The following FLT1 variants were observed in gnomAD, a reference collection of about 807,000 sequenced individuals.
FLT1 encodes the protein fms related receptor tyrosine kinase 1.
A neutral mutation model predicts 156.3 loss-of-function variants in FLT1; 49 were observed. The ratio of observed to expected loss-of-function variants is 0.31; its 90% CI spans 0.25 to 0.40. The LOEUF is 0.40. Among genes scored for constraint, FLT1 ranks in the 10% least tolerant of loss-of-function variants. The pLI, the probability that FLT1 is intolerant of heterozygous loss-of-function variation, is 1.00. For synonymous variants in FLT1, 594 were observed against 583.8 expected (o/e 1.02, Z -0.25); for missense variants, 1,322 against 1,637.2 (o/e 0.81, Z 3.32).
At chr13:28,393,083 A>G (rs1874834814) in intron 12 of FLT1, among the ~76,000 whole-genome samples, 1 of 152,128 alleles carries the variant, frequency 6.6e-6, no homozygotes, top group South Asian at 2.1e-4. Context: ...AAATCTTCCC[A>G]CACTTAAGTA....
rs1346301395 is a variant in FLT1, at chr13:28,300,922, T to C, written c.*2245A>G. On this transcript the variant is annotated 3_prime_UTR_variant, in exon 30 of 30. Coordinates refer to ENST00000282397, the MANE Select transcript of FLT1 (RefSeq NM_002019.4). The stretch of plus-strand genomic sequence containing the variant: ...AAGCACTTTGTAACTAGCTCATTAT[T>C]ACAAGTCTCCATTTTTCTTTCTACA... 1 of 233,102 alleles carries C rather than the reference T, an allele frequency of 4.3e-6. No homozygotes were observed. The highest frequency in any genetic ancestry group is 6.0e-5 in the East Asian group (1 of 16,570). 14.4% of individuals were successfully genotyped at this position (233,102 alleles called of 1,614,324 possible). A position where few individuals can be genotyped will look rare whatever the true frequency, so the allele number is the denominator to read the frequency against.
chr13:28,444,478 T>A (rs1179700799), intron 3 of FLT1, among the ~76,000 whole-genome samples: 1 of 152,022 alleles, frequency 6.6e-6, no homozygotes, highest in African/African-American at 2.4e-5. Flanking sequence ...CAGAAGATTT[T>A]AAAAAGCTAG....
intron 1 of FLT1, among the ~76,000 whole-genome samples, chr13:28,469,104 C>T (rs893382617): frequency 3.9e-5 from 6 of 152,094 alleles, no homozygotes; most frequent in African/African-American, 7.2e-5. Context: ...GCAATGCCTC[C>T]GAAAGGCAGG....
At chr13:28,338,457 A>C (rs1053201245) in intron 17 of FLT1, among the ~76,000 whole-genome samples, 1 of 152,200 alleles carries the variant, frequency 6.6e-6, no homozygotes, top group African/African-American at 2.4e-5. Flanking sequence ...CTGGAGATTA[A>C]TGGGCTTTGT....
In FLT1 at chr13:28,438,005, G is replaced by A. The variant is rs957596938; in HGVS notation, c.513+216C>T. Among the ~76,000 whole-genome samples the A allele has an allele frequency of 6.6e-6, 1 of 152,072 alleles. No homozygotes were observed. The highest frequency in any genetic ancestry group is 1.5e-5 in the Non-Finnish European group (1 of 68,026). ...TTTCAGTTCTTTCATTATTCACATC[G>A]ATTTATGCTTAAGACACCATCATTT... On this transcript the variant is annotated intron_variant, in intron 4 of 29. Transcript: ENST00000282397.
chr13:28,343,633 CT>C (rs1257840645), intron 16 of FLT1, among the ~76,000 whole-genome samples: 14 of 150,880 alleles, frequency 9.3e-5, no homozygotes, highest in African/African-American at 2.2e-4. Context: ...CTCTTCTTTT[CT>C]TTTTTTCTTT....
At chr13:28,403,889 A>G (rs921126334) in intron 11 of FLT1, among the ~76,000 whole-genome samples, 20 of 152,148 alleles carry the variant, frequency 1.3e-4, no homozygotes, top group African/African-American at 4.6e-4. Context: ...TAGAAATACA[A>G]AACTTAGCCA....
At chr13:28,455,863 T>G (rs1422169505) in intron 3 of FLT1, among the ~76,000 whole-genome samples, 2 of 152,180 alleles carry the variant, frequency 1.3e-5, no homozygotes, top group Non-Finnish European at 2.9e-5. Context: ...AATAAGCATA[T>G]GAAAAGGTGC....
At chr13:28,389,484 A>C in intron 13 of FLT1, 1 of 1,405,740 alleles carries the variant, frequency 7.1e-7, no homozygotes, top group Non-Finnish European at 9.2e-7. Flanking sequence ...AAGGCAGTGC[A>C]GGGATCCTCC....
chr13:28,312,103 TG>T lies in FLT1; in HGVS notation c.3387-6del. The stretch of plus-strand genomic sequence containing the variant: ...CAGTCCAGCATGATCTGATAGCTGG[TG>T]GGGAAAACAGCAACAGAAATAGTTG... On this transcript the variant is annotated splice_polypyrimidine_tract_variant and splice_region_variant and intron_variant, in intron 25 of 29. Coordinates refer to ENST00000282397, the MANE Select transcript of FLT1 (RefSeq NM_002019.4). The T allele has an allele frequency of 6.3e-7, 1 of 1,580,698 alleles. No homozygotes were observed. The highest frequency in any genetic ancestry group is 8.7e-7 in the Non-Finnish European group (1 of 1,149,610).
At chr13:28,336,742 CTTT>C (rs548520953) in intron 17 of FLT1, among the ~76,000 whole-genome samples, 4 of 130,208 alleles carry the variant, frequency 3.1e-5, no homozygotes, top group Admixed American at 7.7e-5. Context: ...ATTATTCTAA[CTTT>C]TTTTTTTTTT....
chr13:28,407,034 C>A (rs1175026097), intron 10 of FLT1, among the ~76,000 whole-genome samples: 3 of 152,146 alleles, frequency 2.0e-5, no homozygotes, highest in Non-Finnish European at 2.9e-5. Context: ...CGTCCTCCTG[C>A]AGAGTACTCA....
intron 16 of FLT1, among the ~76,000 whole-genome samples, chr13:28,345,114 T>C (rs1357065957): frequency 6.6e-6 from 1 of 152,106 alleles, no homozygotes; most frequent in East Asian, 1.9e-4. Context: ...CCTTTTTATT[T>C]CTTAGCAGAG....
intron 18 of FLT1, 76 bp downstream of exon 18, chr13:28,333,949 T>A: frequency 5.4e-6 from 5 of 932,636 alleles, no homozygotes; most frequent in Middle Eastern, 4.2e-4. Flanking sequence ...TCCCAGGCTA[T>A]ATCTAACTTG....
intron 14 of FLT1, among the ~76,000 whole-genome samples, chr13:28,360,037 G>A: frequency 9.4e-6 from 1 of 106,644 alleles, no homozygotes; most frequent in East Asian, 2.7e-4. Flanking sequence ...CTTGAACTGG[G>A]GAGGCAGAGG....
intron 3 of FLT1, chr13:28,466,700 T>C: frequency 1.5e-6 from 1 of 664,814 alleles, no homozygotes; most frequent in Non-Finnish European, 2.7e-6. Context: ...TCTCTCTTTG[T>C]GGAGCACATA....
intron 28 of FLT1, among the ~76,000 whole-genome samples, chr13:28,307,691 C>T (rs1870808581): frequency 6.7e-6 from 1 of 148,614 alleles, no homozygotes; most frequent in Non-Finnish European, 1.5e-5. Flanking sequence ...GTGCTTGCTT[C>T]AAGGCCACAC....
At chr13:28,343,645 CTT>C (rs562106493) in intron 16 of FLT1, among the ~76,000 whole-genome samples, 2 of 143,634 alleles carry the variant, frequency 1.4e-5, no homozygotes, top group African/African-American at 5.1e-5. Context: ...TTTTTTCTTT[CTT>C]TTTTTTTTTT....
intron 10 of FLT1, among the ~76,000 whole-genome samples, chr13:28,412,141 C>A (rs553423673): frequency 3.0e-4 from 46 of 152,270 alleles, no homozygotes; most frequent in African/African-American, 9.1e-4. Flanking sequence ...AGGGCACAAC[C>A]GGGGCTGGCC....
Sources: gnomAD v4.1 joint callset for allele counts (sites outside exome capture counted in the v4.1 genomes callset) on GRCh38, gnomAD v4.1.1 for gene constraint, MANE v1.5 for transcripts, NCBI Gene and HGNC (gene_info 2026-07-23, HGNC 2026-07-21) for gene names.